The following ADAMTSL1 variants were observed in gnomAD, a reference collection of about 807,000 sequenced individuals.
ADAMTSL1 encodes ADAMTS-like protein 1.
ADAMTSL1 carries 126 observed loss-of-function variants against 201.8 expected under a neutral mutation model. That is an observed-to-expected ratio of 0.62 (90% confidence interval 0.54 to 0.72). The LOEUF (loss-of-function observed/expected upper bound fraction) is 0.72, where lower values mean the gene tolerates loss of function less well. Among genes scored for constraint, ADAMTSL1 ranks in the 30% least tolerant of loss-of-function variants. The pLI is 0.00. For missense variants in ADAMTSL1, 2,679 were observed against 2,277.8 expected (o/e 1.18, Z -3.59); for synonymous variants, 1,121 against 903.4 (o/e 1.24, Z -4.32).
intron 1 of ADAMTSL1, among the ~76,000 whole-genome samples, chr9:17,950,350 A>G (rs1305492193): frequency 1.3e-5 from 2 of 152,076 alleles, no homozygotes; most frequent in Admixed American, 1.3e-4. Flanking sequence ...ACATTTTGTT[A>G]CATATTTTAT....
chr9:17,928,450 A>G (rs1029346371), intron 1 of ADAMTSL1, among the ~76,000 whole-genome samples: 1 of 152,192 alleles, frequency 6.6e-6, no homozygotes, highest in Non-Finnish European at 1.5e-5. Context: ...AACCTGAGCA[A>G]TACTCCTCTG....
intron 1 of ADAMTSL1, among the ~76,000 whole-genome samples, chr9:17,909,001 A>C (rs534960542): frequency 4.8e-4 from 72 of 150,512 alleles, no homozygotes; most frequent in African/African-American, 1.4e-3. Flanking sequence ...TGACTTTTTA[A>C]TGATTGCCAT....
intron 1 of ADAMTSL1, among the ~76,000 whole-genome samples, chr9:18,051,292 C>A (rs1821926987): frequency 6.6e-6 from 1 of 151,996 alleles, no homozygotes; most frequent in South Asian, 2.1e-4. Flanking sequence ...CAGAGCAAGA[C>A]TCCATCTCAA....
chr9:18,327,029 G>T (rs4961635), intron 2 of ADAMTSL1, among the ~76,000 whole-genome samples: 3 of 151,974 alleles, frequency 2.0e-5, no homozygotes, highest in African/African-American at 7.3e-5. Flanking sequence ...TGTTTAGCAA[G>T]TAGGGAATGA....
chr9:18,089,933 T>C (rs1823934901), intron 1 of ADAMTSL1, among the ~76,000 whole-genome samples: 1 of 152,206 alleles, frequency 6.6e-6, no homozygotes, highest in African/African-American at 2.4e-5. Context: ...AGGCTTTTCT[T>C]ACTATAATTT....
intron 21 of ADAMTSL1, among the ~76,000 whole-genome samples, chr9:18,822,113 C>A (rs886913439): frequency 6.6e-6 from 1 of 152,052 alleles, no homozygotes; most frequent in Non-Finnish European, 1.5e-5. Flanking sequence ...ACAAATAATA[C>A]CAGGGAGGTT....
At chr9:18,826,115 T>C (rs1343041217) in intron 21 of ADAMTSL1, 169 bp from the exon 22 acceptor site, 1 of 731,030 alleles carries the variant, frequency 1.4e-6, no homozygotes, top group Admixed American at 2.8e-5. Flanking sequence ...TCTATATCCT[T>C]ATCCTACCAG....
At chr9:18,213,099 C>T (rs1390758963) in intron 2 of ADAMTSL1, among the ~76,000 whole-genome samples, 1 of 152,124 alleles carries the variant, frequency 6.6e-6, no homozygotes, top group East Asian at 1.9e-4. Context: ...CATGAACGCT[C>T]ACACCAAAAA....
chr9:18,248,757 G>T (rs1831355357), intron 2 of ADAMTSL1, among the ~76,000 whole-genome samples: 1 of 152,176 alleles, frequency 6.6e-6, no homozygotes, highest in East Asian at 1.9e-4. Flanking sequence ...ACTACAAAGA[G>T]ATTCCAATTC....
At chr9:18,060,535 G>A (rs1383056887) in intron 1 of ADAMTSL1, among the ~76,000 whole-genome samples, 1 of 152,154 alleles carries the variant, frequency 6.6e-6, no homozygotes, top group Admixed American at 6.5e-5. Context: ...AGTTGAGTAA[G>A]CTGCCTATAG....
At chr9:17,962,910 T>C (rs1012661694) in intron 1 of ADAMTSL1, among the ~76,000 whole-genome samples, 3 of 152,196 alleles carry the variant, frequency 2.0e-5, no homozygotes, top group African/African-American at 7.2e-5. Flanking sequence ...TAATTGTCGG[T>C]TGGTATTCAG....
intron 1 of ADAMTSL1, among the ~76,000 whole-genome samples, chr9:17,948,311 C>T (rs1827590898): frequency 1.3e-5 from 2 of 152,180 alleles, no homozygotes; most frequent in South Asian, 2.1e-4. Flanking sequence ...ATTTCCTACA[C>T]ATATTTTACA....
At chr9:18,391,531 G>C (rs1838045224) in intron 2 of ADAMTSL1, among the ~76,000 whole-genome samples, 1 of 151,958 alleles carries the variant, frequency 6.6e-6, no homozygotes, top group Non-Finnish European at 1.5e-5. Context: ...CTGTAGCCTT[G>C]AACTCCTGGG....
intron 2 of ADAMTSL1, among the ~76,000 whole-genome samples, chr9:18,315,643 G>A (rs896899874): frequency 6.6e-5 from 10 of 152,182 alleles, no homozygotes; most frequent in Middle Eastern, 3.2e-3. Flanking sequence ...CACCGATCCC[G>A]CGCCCACCTG....
rs562365816 is a variant in ADAMTSL1 at position 18,079,959 on chromosome 9, G to C, written c.88-83903G>C. On this transcript the variant is annotated intron_variant, in intron 1 of 29. Transcript: ENST00000680146. Reference sequence around the variant, plus strand: ...GTGTGTGGGATGAAGGCCACATGCTGTTGAAGAATTGTGGGAGTGCTTGAC... The same window carrying C: ...GTGTGTGGGATGAAGGCCACATGCTCTTGAAGAATTGTGGGAGTGCTTGAC... Among the ~76,000 whole-genome samples the C allele has an allele frequency of 4.6e-5, 7 of 152,262 alleles. No individual in the cohort carries two copies. The South Asian group carries it at 1.4e-3, about 32-fold the overall frequency.
At chr9:18,419,950 G>A (rs184982944) in intron 2 of ADAMTSL1, among the ~76,000 whole-genome samples, 184 of 152,110 alleles carry the variant, frequency 1.2e-3, no homozygotes, top group Non-Finnish European at 1.9e-3. Context: ...GGCTGGTCTT[G>A]AACTCCTGAC....
At chr9:17,942,110 T>C (rs752728186) in intron 1 of ADAMTSL1, among the ~76,000 whole-genome samples, 11 of 152,188 alleles carry the variant, frequency 7.2e-5, no homozygotes, top group Non-Finnish European at 1.3e-4. Context: ...ATAGGCAAAT[T>C]CGTTAGAGAC....
chr9:18,058,705 TTG>T (rs1822307333), intron 1 of ADAMTSL1, among the ~76,000 whole-genome samples: 1 of 152,184 alleles, frequency 6.6e-6, no homozygotes, highest in Non-Finnish European at 1.5e-5. Context: ...TGTCCTTATG[TTG>T]TGAATGCACA....
chr9:18,721,885 C>A lies in ADAMTSL1; in HGVS notation c.2006+220C>A, dbSNP rs374815160. ...ATGCCAGAATCTGGAAGATACCGTG[C>A]ATTCACTTGAGCCTGTGGCATGGCT... On this transcript the variant is annotated intron_variant, in intron 15 of 28. Coordinates refer to ENST00000380548, the MANE Select transcript of ADAMTSL1 (RefSeq NM_001040272.6). Among the ~76,000 whole-genome samples the A allele has an allele frequency of 3.0e-4, 45 of 152,334 alleles. No homozygotes were observed. In the South Asian group the frequency reaches 6.6e-3, roughly 22 times the overall value.
Sources: gnomAD v4.1 joint callset for allele counts (sites outside exome capture counted in the v4.1 genomes callset) on GRCh38, gnomAD v4.1.1 for gene constraint, MANE v1.5 for transcripts, NCBI Gene and HGNC (gene_info 2026-07-23, HGNC 2026-07-21) for gene names.